The following AK9 variants were observed in gnomAD, a reference collection of about 807,000 sequenced individuals.
The protein encoded by AK9 is adenylate kinase domain containing 1.
A neutral mutation model predicts 239.6 loss-of-function variants in AK9; 191 were observed. The ratio of observed to expected loss-of-function variants is 0.80; its 90% CI spans 0.71 to 0.90. The LOEUF is 0.90. Ranked by LOEUF, AK9 falls within the 40% of genes least tolerant of loss-of-function variation. The probability of loss-of-function intolerance (pLI) is 0.00; values close to 1 mark genes in which losing one functional copy is unlikely to be tolerated. For missense variants in AK9, 1,995 were observed against 2,214.7 expected (o/e 0.90, Z 1.99); for synonymous variants, 689 against 721.0 (o/e 0.96, Z 0.71).
intron 1 of AK9, among the ~76,000 whole-genome samples, chr6:109,686,510 T>G (rs1042693073): frequency 6.6e-6 from 1 of 152,120 alleles, no homozygotes; most frequent in African/African-American, 2.4e-5. Flanking sequence ...CATTTTTGAG[T>G]GGGGCACACA....
At chr6:109,593,403 A>G (rs1790554262) in intron 17 of AK9, among the ~76,000 whole-genome samples, 2 of 152,166 alleles carry the variant, frequency 1.3e-5, no homozygotes, top group African/African-American at 2.4e-5. Context: ...GCCCAGGACC[A>G]GATGGATTCA....
chr6:109,628,161 T>C (rs544638202), intron 12 of AK9, among the ~76,000 whole-genome samples: 2 of 152,284 alleles, frequency 1.3e-5, no homozygotes, highest in African/African-American at 4.8e-5. Flanking sequence ...GTTCTAGTAA[T>C]AAGGCCTCTC....
intron 28 of AK9, among the ~76,000 whole-genome samples, chr6:109,529,304 T>C (rs1456362524): frequency 6.6e-6 from 1 of 152,212 alleles, no homozygotes; most frequent in Non-Finnish European, 1.5e-5. Flanking sequence ...TTGGGGTCAG[T>C]TACTCTTTCC....
At chr6:109,603,529 T>A (rs1163744538) in intron 17 of AK9, among the ~76,000 whole-genome samples, 1 of 152,190 alleles carries the variant, frequency 6.6e-6, no homozygotes, top group East Asian at 1.9e-4. Flanking sequence ...AGGGACCCAC[T>A]TGAGGAGGCA....
chr6:109,675,387 T>TAGCA (rs1771561595), intron 2 of AK9, among the ~76,000 whole-genome samples: 1 of 152,078 alleles, frequency 6.6e-6, no homozygotes, highest in Non-Finnish European at 1.5e-5. Flanking sequence ...GATGGGCATT[T>TAGCA]AGGTTGATTC....
intron 15 of AK9, 74 bp from the exon 16 acceptor site, chr6:109,612,167 A>G: frequency 1.0e-6 from 1 of 993,210 alleles, no homozygotes; most frequent in Non-Finnish European, 1.5e-6. Context: ...GGAAGATTGT[A>G]ATATAAGCCT....
chr6:109,599,830 T>C (rs1439150678), intron 17 of AK9, among the ~76,000 whole-genome samples: 7 of 152,180 alleles, frequency 4.6e-5, no homozygotes, highest in Non-Finnish European at 8.8e-5. Flanking sequence ...TTATTCTCTT[T>C]GAAGCAATTG....
In AK9 at chr6:109,580,061, A is replaced by G. The variant is rs559219326; in HGVS notation, c.2115-435T>C. On this transcript the variant is annotated intron_variant, in intron 19 of 40. Coordinates refer to ENST00000424296, the MANE Select transcript of AK9 (RefSeq NM_001145128.3). The stretch of plus-strand genomic sequence containing the variant: ...ATGAGGATTAAAAGTCTAGGAGAAA[A>G]CCAATCAAATGGTCAACATGGATGA... Among the ~76,000 whole-genome samples, 10 of 152,328 alleles carry G rather than the reference A, an allele frequency of 6.6e-5. No homozygotes were observed. The South Asian group carries it at 2.1e-3, about 32-fold the overall frequency.
intron 17 of AK9, among the ~76,000 whole-genome samples, chr6:109,598,436 G>T (rs1400342788): frequency 6.6e-6 from 1 of 152,162 alleles, no homozygotes; most frequent in Non-Finnish European, 1.5e-5. Context: ...GTATTCCATG[G>T]TGTATATGTG....
chr6:109,657,844 G>A (rs916403181), intron 7 of AK9, among the ~76,000 whole-genome samples: 1 of 152,072 alleles, frequency 6.6e-6, no homozygotes, highest in East Asian at 1.9e-4. Flanking sequence ...AGGGAACAGC[G>A]TGTGTAAAAG....
At chr6:109,552,276 C>T (rs1249865549) in intron 24 of AK9, among the ~76,000 whole-genome samples, 2 of 152,122 alleles carry the variant, frequency 1.3e-5, no homozygotes, top group African/African-American at 4.8e-5. Context: ...CTTGAGGAAT[C>T]GCCACACTGT....
intron 19 of AK9, among the ~76,000 whole-genome samples, chr6:109,581,828 A>G (rs981075472): frequency 6.6e-6 from 1 of 152,196 alleles, no homozygotes; most frequent in Non-Finnish European, 1.5e-5. Context: ...GCCATCTAGG[A>G]CTTTCAGAGT....
rs576936846 is a variant in AK9, at chr6:109,599,905, C to T, written c.1842+10460G>A. ...TGTTATTGGTGTATAAGAATGCTTG[C>T]GATTTTTTGCACATTGATTTTGTAT... On this transcript the variant is annotated intron_variant, in intron 17 of 40. Coordinates refer to ENST00000424296, the MANE Select transcript of AK9 (RefSeq NM_001145128.3). 7.1e-4 allele frequency among the ~76,000 whole-genome samples: 108 copies of T among 152,132 alleles called. No homozygotes were observed. In the South Asian group the frequency reaches 0.017, roughly 24 times the overall value.
At chr6:109,505,442 C>T (rs1778016570) in intron 35 of AK9, among the ~76,000 whole-genome samples, 1 of 152,122 alleles carries the variant, frequency 6.6e-6, no homozygotes, top group Non-Finnish European at 1.5e-5. Flanking sequence ...AACTATTTAA[C>T]AAGAATATAT....
At chr6:109,611,167 A>T (rs1793534393) in intron 16 of AK9, among the ~76,000 whole-genome samples, 1 of 152,162 alleles carries the variant, frequency 6.6e-6, no homozygotes, top group African/African-American at 2.4e-5. Flanking sequence ...TCAGGGCTCC[A>T]ACTGTCAGGG....
chr6:109,504,418 G>T (rs976785435), intron 35 of AK9, among the ~76,000 whole-genome samples: 10 of 152,086 alleles, frequency 6.6e-5, no homozygotes. Context: ...TTTCAGATAA[G>T]CAATGAATAT....
Position 109,545,947 on chromosome 6 carries a change from C to T in AK9, c.3145G>A (p.Glu1049Lys), listed in dbSNP as rs367820118. The T allele has an allele frequency of 7.7e-5, 124 of 1,614,166 alleles. 1 individual carries two copies. Among genetic ancestry groups the T allele is most frequent in the South Asian group, 3.6e-4 (33 of 91,064 alleles). The change falls in exon 26 of 41, where the codon GAG becomes AAG. Residue 1049 changes from glutamate (E) to lysine (K), a missense_variant. This residue lies in a region of AK9 where 1,290 missense variants were observed against 1,392.7 expected (regional missense o/e 0.93). Coordinates refer to ENST00000424296, the MANE Select transcript of AK9 (RefSeq NM_001145128.3). ...TCAAGTTCTTGTTTGGCAGCTTGCT[C>T]GTTCTCAGAATCTTCCTCAAATTCA... is the stretch of plus-strand genomic sequence containing the variant. ...GPEFEEDSEN[E>K]QAAKQELEEL...
chr6:109,651,228 T>C (rs1319829382), intron 8 of AK9, among the ~76,000 whole-genome samples: 1 of 150,018 alleles, frequency 6.7e-6, no homozygotes, highest in African/African-American at 2.5e-5. Flanking sequence ...ACTTAAAGAA[T>C]AATAATAATA....
chr6:109,546,718 G>T lies in AK9; in HGVS notation c.2965-591C>A, dbSNP rs1452123252. On this transcript the variant is annotated intron_variant, in intron 25 of 40. Transcript: ENST00000424296. ...TCCGAGTAGGATAAGCCTCAAAGGG[G>T]CTGGAGTTTTTGCAAGGGGAAGGAG... is the stretch of plus-strand genomic sequence containing the variant. Among the ~76,000 whole-genome samples, 4 of 152,154 alleles carry T rather than the reference G, an allele frequency of 2.6e-5. No homozygotes were observed. In the South Asian group the frequency reaches 8.3e-4, roughly 32 times the overall value.
Sources: gnomAD v4.1 joint callset for allele counts (sites outside exome capture counted in the v4.1 genomes callset) on GRCh38, gnomAD v4.1.1 for gene constraint, gnomAD v4.1.1 regional missense constraint, MANE v1.5 for transcripts, NCBI Gene and HGNC (gene_info 2026-07-23, HGNC 2026-07-21) for gene names.